The following CDH12 variants were observed in gnomAD, a reference collection of about 807,000 sequenced individuals.
CDH12 encodes cadherin 12.
A neutral mutation model predicts 74.1 loss-of-function variants in CDH12; 41 were observed. The ratio of observed to expected loss-of-function variants is 0.55; its 90% CI spans 0.43 to 0.72. The LOEUF is 0.72. CDH12 is among the 30% of genes least tolerant of loss of function. The probability of loss-of-function intolerance (pLI) is 0.00; values close to 1 mark genes in which losing one functional copy is unlikely to be tolerated. For synonymous variants in CDH12, 399 were observed against 355.0 expected (o/e 1.12, Z -1.39); for missense variants, 945 against 977.2 (o/e 0.97, Z 0.44).
At chr5:22,847,001 T>C (rs1174470717) in intron 1 of CDH12, among the ~76,000 whole-genome samples, 1 of 152,222 alleles carries the variant, frequency 6.6e-6, no homozygotes, top group Non-Finnish European at 1.5e-5. Flanking sequence ...GAATTTGCCC[T>C]ATGTGTTAGG....
chr5:22,395,368 G>A (rs924266233), intron 3 of CDH12, among the ~76,000 whole-genome samples: 2 of 152,098 alleles, frequency 1.3e-5, no homozygotes, highest in African/African-American at 2.4e-5. Context: ...AGGCATTGAG[G>A]CCCTGCCAAC....
intron 4 of CDH12, among the ~76,000 whole-genome samples, chr5:22,191,968 G>T (rs1750335743): frequency 6.8e-6 from 1 of 147,328 alleles, no homozygotes; most frequent in Non-Finnish European, 1.5e-5. Flanking sequence ...CAGAGGCTTG[G>T]TCTGTCTCCC....
At chr5:22,544,535 G>A (rs1738235152) in intron 1 of CDH12, among the ~76,000 whole-genome samples, 1 of 152,102 alleles carries the variant, frequency 6.6e-6, no homozygotes, top group South Asian at 2.1e-4. Context: ...ATGCTCTGTT[G>A]CCAGGCATGG....
At chr5:22,363,054 A>T (rs560670776) in intron 3 of CDH12, among the ~76,000 whole-genome samples, 2 of 152,222 alleles carry the variant, frequency 1.3e-5, no homozygotes, top group South Asian at 4.1e-4. Flanking sequence ...CGCATTGTGC[A>T]CATGTACCCT....
chr5:22,782,706 C>G (rs775771936), intron 1 of CDH12, among the ~76,000 whole-genome samples: 1 of 152,070 alleles, frequency 6.6e-6, no homozygotes, highest in Non-Finnish European at 1.5e-5. Flanking sequence ...ATGATATCCT[C>G]CAAGAAATTT....
intron 1 of CDH12, among the ~76,000 whole-genome samples, chr5:22,843,815 A>G (rs1448065301): frequency 6.6e-6 from 1 of 152,110 alleles, no homozygotes; most frequent in Non-Finnish European, 1.5e-5. Flanking sequence ...ACATCTAAAG[A>G]AAGCAATTAT....
chr5:22,168,314 C>T (rs537134847), intron 4 of CDH12, among the ~76,000 whole-genome samples: 60 of 152,116 alleles, frequency 3.9e-4, no homozygotes, highest in Middle Eastern at 3.4e-3. Context: ...TACTAGTCCC[C>T]TCTAAACCCA....
At chr5:22,594,765 C>A (rs1875490) in intron 1 of CDH12, among the ~76,000 whole-genome samples, 9,897 of 152,048 alleles carry the variant, frequency 0.065, 423 homozygotes, top group East Asian at 0.22. Flanking sequence ...TTGTTTATTG[C>A]ATCTTGATAT....
chr5:22,796,384 G>T (rs1748210221), intron 1 of CDH12, among the ~76,000 whole-genome samples: 1 of 151,994 alleles, frequency 6.6e-6, no homozygotes, highest in Admixed American at 6.6e-5. Context: ...ATTCTAATTG[G>T]AGTAAGGTGG....
At chr5:22,536,073 A>G (rs1382485330) in intron 1 of CDH12, among the ~76,000 whole-genome samples, 2 of 152,196 alleles carry the variant, frequency 1.3e-5, no homozygotes, top group African/African-American at 2.4e-5. Context: ...TATTTTGTAT[A>G]AGGGACTTGA....
chr5:21,811,866 AG>A (rs1747766644), intron 9 of CDH12, among the ~76,000 whole-genome samples: 1 of 149,584 alleles, frequency 6.7e-6, no homozygotes, highest in African/African-American at 2.6e-5. Context: ...GAAGTGTCAC[AG>A]TGAAATGGCA....
At chr5:22,597,697 C>T (rs528602968) in intron 1 of CDH12, among the ~76,000 whole-genome samples, 18 of 152,056 alleles carry the variant, frequency 1.2e-4, no homozygotes, top group African/African-American at 3.9e-4. Flanking sequence ...AACAGGTGCT[C>T]AATAAATATT....
intron 3 of CDH12, among the ~76,000 whole-genome samples, chr5:22,246,052 G>A (rs1752933820): frequency 6.6e-6 from 1 of 152,050 alleles, no homozygotes; most frequent in African/African-American, 2.4e-5. Context: ...TTATCCTGAT[G>A]TTCCTTTTCA....
chr5:22,494,528 A>G (rs571590594), intron 2 of CDH12, among the ~76,000 whole-genome samples: 1 of 152,344 alleles, frequency 6.6e-6, no homozygotes, highest in Admixed American at 6.5e-5. Context: ...GTCTAATGTA[A>G]GAAGTGTTTT....
At chr5:21,838,929 G>A (rs1352247607) in intron 8 of CDH12, among the ~76,000 whole-genome samples, 1 of 152,100 alleles carries the variant, frequency 6.6e-6, no homozygotes, top group Non-Finnish European at 1.5e-5. Context: ...TTGTATCCCT[G>A]ATATAGGAAT....
intron 6 of CDH12, among the ~76,000 whole-genome samples, chr5:21,888,497 G>A (rs1161622501): frequency 1.3e-5 from 2 of 152,024 alleles, no homozygotes; most frequent in African/African-American, 4.8e-5. Context: ...TGTAAATGAC[G>A]AGTTAATGGG....
At chr5:22,303,956 T>G (rs1737999711) in intron 3 of CDH12, among the ~76,000 whole-genome samples, 1 of 152,144 alleles carries the variant, frequency 6.6e-6, no homozygotes, top group Admixed American at 6.5e-5. Flanking sequence ...CATTAATACA[T>G]TCTATATTTT....
chr5:21,768,108 A>G (rs1418896991), intron 11 of CDH12, among the ~76,000 whole-genome samples: 1 of 151,820 alleles, frequency 6.6e-6, no homozygotes, highest in Non-Finnish European at 1.5e-5. Context: ...TATGAAGGAA[A>G]TTTAATTATG....
chr5:22,745,990 G>A (rs1318150822), intron 1 of CDH12, among the ~76,000 whole-genome samples: 1 of 152,092 alleles, frequency 6.6e-6, no homozygotes, highest in African/African-American at 2.4e-5. Context: ...TTCTTATAAT[G>A]ACAGAGCAAT....
Sources: gnomAD v4.1 joint callset for allele counts (sites outside exome capture counted in the v4.1 genomes callset) on GRCh38, gnomAD v4.1.1 for gene constraint, MANE v1.5 for transcripts, NCBI Gene and HGNC (gene_info 2026-07-23, HGNC 2026-07-21) for gene names.